Variants in MAGI2 observed in about 807,000 individuals in gnomAD.
MAGI2 encodes the protein membrane associated guanylate kinase, WW and PDZ domain containing 2, also known as membrane-associated guanylate kinase, WW and PDZ domain-containing protein 2.
Under a neutral mutation model 133.3 loss-of-function variants are expected in MAGI2, and 35 were observed. The observed-to-expected ratio is 0.26, with a 90% CI of 0.20 to 0.35. The LOEUF (loss-of-function observed/expected upper bound fraction) is 0.35, where lower values mean the gene tolerates loss of function less well. MAGI2 is among the 10% of genes least tolerant of loss of function. The pLI is 1.00. For synonymous variants in MAGI2, 729 were observed against 710.6 expected (o/e 1.03, Z -0.41); for missense variants, 1,636 against 1,863.4 (o/e 0.88, Z 2.25).
intron 2 of MAGI2, among the ~76,000 whole-genome samples, chr7:78,653,910 A>T (rs1418568288): frequency 1.3e-5 from 2 of 152,208 alleles, no homozygotes. Context: ...TCTTTGAATA[A>T]ATGCAAGGAA....
intron 1 of MAGI2, among the ~76,000 whole-genome samples, chr7:79,229,436 G>T (rs572314395): frequency 6.6e-6 from 1 of 152,084 alleles, no homozygotes. Context: ...CATAGAAGGG[G>T]GAAAAACTTG....
intron 1 of MAGI2, among the ~76,000 whole-genome samples, chr7:79,168,701 C>T (rs529787710): frequency 2.8e-4 from 43 of 151,908 alleles, no homozygotes; most frequent in Non-Finnish European, 4.9e-4. Flanking sequence ...CTTCTAATCC[C>T]TGAATTTGCT....
intron 2 of MAGI2, among the ~76,000 whole-genome samples, chr7:78,985,858 T>C (rs933534567): frequency 1.3e-5 from 2 of 152,106 alleles, no homozygotes; most frequent in Non-Finnish European, 1.5e-5. Context: ...TTGCCTTTAA[T>C]TTAATTCTGA....
chr7:78,161,667 T>TAAAAAAAAAAAAAA (rs71515391), intron 15 of MAGI2, among the ~76,000 whole-genome samples: 111 of 68,810 alleles, frequency 1.6e-3, no homozygotes, highest in African/African-American at 3.8e-3. Flanking sequence ...CATCGATACC[T>TAAAAAAAAAAAAAA]AAAAAAAAAA....
chr7:78,941,471 T>A (rs764124933), intron 2 of MAGI2, among the ~76,000 whole-genome samples: 9 of 152,086 alleles, frequency 5.9e-5, no homozygotes, highest in Non-Finnish European at 1.2e-4. Context: ...TGCCTCAGCC[T>A]CTCGAGTAGC....
intron 2 of MAGI2, among the ~76,000 whole-genome samples, chr7:78,783,198 C>T (rs1438658453): frequency 6.6e-6 from 1 of 152,008 alleles, no homozygotes; most frequent in Non-Finnish European, 1.5e-5. Flanking sequence ...CATGCTATCG[C>T]TCTTCAAGAT....
chr7:79,028,336 TACACAC>T (rs748319312), intron 1 of MAGI2, among the ~76,000 whole-genome samples: 3 of 124,480 alleles, frequency 2.4e-5, no homozygotes, highest in Non-Finnish European at 3.3e-5. Flanking sequence ...TACATATATA[TACACAC>T]ACACACACAC....
chr7:79,371,841 C>T (rs889093243), intron 1 of MAGI2, among the ~76,000 whole-genome samples: 1 of 152,040 alleles, frequency 6.6e-6, no homozygotes, highest in Non-Finnish European at 1.5e-5. Context: ...GCAATTTTAG[C>T]TCATATTCCC....
At chr7:78,122,640 C>G (rs150242738) in intron 20 of MAGI2, among the ~76,000 whole-genome samples, 1 of 152,144 alleles carries the variant, frequency 6.6e-6, no homozygotes, top group Non-Finnish European at 1.5e-5. Context: ...TATGGAAATG[C>G]GAACTATATT....
chr7:78,665,902 C>T (rs1037318721), intron 2 of MAGI2, among the ~76,000 whole-genome samples: 1 of 152,022 alleles, frequency 6.6e-6, no homozygotes, highest in Non-Finnish European at 1.5e-5. Flanking sequence ...CTTTATGGAG[C>T]TTACAGTTTA....
rs142695931 is a variant in MAGI2 at position 78,238,460 on chromosome 7, G to C, written c.2047+17483C>G. On this transcript the variant is annotated intron_variant, in intron 10 of 21. Coordinates refer to ENST00000354212, the MANE Select transcript of MAGI2 (RefSeq NM_012301.4). Reference sequence around the variant, plus strand: ...ACATGCCCGTAGTACCAGCTACTGGGGAGACTGAGGTGGGAGGATTACTTG... The same window carrying C: ...ACATGCCCGTAGTACCAGCTACTGGCGAGACTGAGGTGGGAGGATTACTTG... Among the ~76,000 whole-genome samples, 564 of 152,068 alleles carry C rather than the reference G, an allele frequency of 3.7e-3. 2 individuals carry two copies. The highest frequency in any genetic ancestry group is 0.013 in the African/African-American group (551 of 41,498).
intron 20 of MAGI2, among the ~76,000 whole-genome samples, chr7:78,123,748 G>A (rs547676992): frequency 6.6e-6 from 1 of 152,242 alleles, no homozygotes; most frequent in African/African-American, 2.4e-5. Context: ...AGTTGACACA[G>A]GTATCTATAA....
chr7:78,523,030 TGGA>T lies in MAGI2; in HGVS notation c.539-1388_539-1386del, dbSNP rs146900540. Among the ~76,000 whole-genome samples, 1,282 of 152,200 alleles carry T rather than the reference TGGA, an allele frequency of 8.4e-3. 23 individuals are homozygous for T. Among genetic ancestry groups the T allele is most frequent in the East Asian group, 0.058 (300 of 5,178 alleles). On this transcript the variant is annotated intron_variant, in intron 3 of 21. Transcript: ENST00000354212. The stretch of plus-strand genomic sequence containing the variant: ...CAGGAAATAGGAGAAAGCACTGCAA[TGGA>T]GGAGATACACAGGAGGAAGGAAGCA...
rs1849440663 is a variant in MAGI2, at chr7:79,453,463, CTCT to C, written c.-146_-144del. 1.4e-6 allele frequency: 2 copies of C among 1,466,972 alleles called. No individual in the cohort carries two copies. 90.9% of individuals were successfully genotyped at this position (1,466,972 alleles called of 1,614,324 possible). A position where few individuals can be genotyped will look rare whatever the true frequency, so the allele number is the denominator to read the frequency against. On this transcript the variant is annotated 5_prime_UTR_variant, in exon 1 of 22. Transcript: ENST00000354212. ...CGCCCCCCTCTATTCGGTGCTTTCC[CTCT>C]TCTTTGGATGGAGTGTGGACGAGGA...
chr7:78,225,211 T>A (rs73702835), intron 10 of MAGI2, among the ~76,000 whole-genome samples: 1,606 of 152,268 alleles, frequency 0.011, 21 homozygotes, highest in African/African-American at 0.037. Context: ...TTTCTGAGAT[T>A]CCAAGTTTTT....
intron 10 of MAGI2, among the ~76,000 whole-genome samples, chr7:78,238,028 C>T (rs1358422522): frequency 6.6e-6 from 1 of 152,182 alleles, no homozygotes; most frequent in African/African-American, 2.4e-5. Context: ...GGCACAACTG[C>T]TCACACCTTC....
chr7:79,204,779 TA>T, intron 1 of MAGI2, among the ~76,000 whole-genome samples: 1 of 151,324 alleles, frequency 6.6e-6, no homozygotes, highest in Non-Finnish European at 1.5e-5. Flanking sequence ...TTGAAACAAT[TA>T]AAAAATAAAA....
chr7:78,278,341 AC>A (rs1218214274), intron 9 of MAGI2, among the ~76,000 whole-genome samples: 17 of 152,188 alleles, frequency 1.1e-4, no homozygotes, highest in African/African-American at 4.1e-4. Flanking sequence ...TGTCTGCTCT[AC>A]TAATTCAGAT....
At chr7:78,444,897 GTATA>G (rs10538355) in intron 6 of MAGI2, among the ~76,000 whole-genome samples, 14,012 of 148,130 alleles carry the variant, frequency 0.095, 668 homozygotes, top group African/African-American at 0.13. Context: ...ACATATGTGT[GTATA>G]TATACAAATA....
Sources: gnomAD v4.1 joint callset for allele counts (sites outside exome capture counted in the v4.1 genomes callset) on GRCh38, gnomAD v4.1.1 for gene constraint, MANE v1.5 for transcripts, NCBI Gene and HGNC (gene_info 2026-07-23, HGNC 2026-07-21) for gene names.